The following CCND3 variants were observed in gnomAD, a reference collection of about 807,000 sequenced individuals.
CCND3 encodes G1/S-specific cyclin-D3.
In CCND3, 9 loss-of-function variants were observed where a neutral mutation model predicts 28.7. That is an observed-to-expected ratio of 0.31 (90% confidence interval 0.19 to 0.55). The LOEUF (loss-of-function observed/expected upper bound fraction) is 0.55. CCND3 is among the 20% of genes least tolerant of loss of function. CCND3 has a pLI of 0.93. For missense variants in CCND3, 315 were observed against 385.8 expected, an observed-to-expected ratio of 0.82 and a Z score of 1.54; for synonymous variants, 164 against 163.9, an observed-to-expected ratio of 1.00 and a Z score of 0.00.
intron 1 of CCND3, among the ~76,000 whole-genome samples, chr6:41,987,798 G>A (rs1318187903): frequency 6.6e-6 from 1 of 151,556 alleles, no homozygotes; most frequent in East Asian, 1.9e-4. Flanking sequence ...CAGCATGACA[G>A]GCCACGGAAT....
In CCND3 at chr6:41,939,294, C is replaced by T. The variant is rs1395749236; in HGVS notation, c.414+1076G>A. Among the ~76,000 whole-genome samples the T allele has an allele frequency of 6.6e-6, 1 of 152,270 alleles. No homozygotes were observed. The highest frequency in any genetic ancestry group is 1.9e-4 in the East Asian group (1 of 5,172). On this transcript the variant is annotated intron_variant, in intron 2 of 4. Transcript: ENST00000372991. The surrounding 1 kb of genome is among the most constrained non-coding windows in gnomAD (Gnocchi z 4.2). ...TCACAGCAGCCTGCTTGCTGCCCTCCTCCCTGGGAGATGGGGCCCAGAGAC... is the reference window on the plus strand; with the variant it reads ...TCACAGCAGCCTGCTTGCTGCCCTCTTCCCTGGGAGATGGGGCCCAGAGAC...
intron 1 of CCND3, among the ~76,000 whole-genome samples, chr6:41,948,006 A>T (rs930837434): frequency 4.6e-5 from 7 of 152,006 alleles, no homozygotes; most frequent in Admixed American, 1.3e-4. Flanking sequence ...CCGGGCAGAC[A>T]TGTTCTCTTT....
chr6:42,016,003 A>G (rs1763497469), intron 1 of CCND3, among the ~76,000 whole-genome samples: 4 of 151,772 alleles, frequency 2.6e-5, no homozygotes, highest in Admixed American at 2.6e-4. Flanking sequence ...CAGTGGCGTG[A>G]TATCAGCTCA....
At chr6:41,989,433 G>T (rs540665141) in intron 1 of CCND3, among the ~76,000 whole-genome samples, 4 of 112,464 alleles carry the variant, frequency 3.6e-5, no homozygotes, top group Non-Finnish European at 4.9e-5. Context: ...TAGCCTGGGC[G>T]ACAAGAGTGA....
chr6:42,049,277 T>A (rs1371319003), upstream of CCND3, among the ~76,000 whole-genome samples: 1 of 152,160 alleles, frequency 6.6e-6, no homozygotes, highest in Non-Finnish European at 1.5e-5. Context: ...CCTGAGGTGA[T>A]CCACCCGCCT....
chr6:41,974,164 C>G (rs2127409139), intron 1 of CCND3, among the ~76,000 whole-genome samples: 1 of 152,274 alleles, frequency 6.6e-6, no homozygotes, highest in South Asian at 2.1e-4. Flanking sequence ...GCCTGGGTAA[C>G]AGAGCAAGAC....
At chr6:42,036,399 A>ATC (rs1416726290) in intron 1 of CCND3, among the ~76,000 whole-genome samples, 1 of 43,828 alleles carries the variant, frequency 2.3e-5, no homozygotes, top group Non-Finnish European at 4.0e-5. Flanking sequence ...ATATATATAT[A>ATC]TATATTTTTT....
intron 1 of CCND3, among the ~76,000 whole-genome samples, chr6:41,972,853 C>CA (rs994689983): frequency 9.7e-5 from 14 of 144,190 alleles, no homozygotes; most frequent in Non-Finnish European, 1.8e-4. Context: ...CCCATCTCTA[C>CA]AAAAAATTTA....
At chr6:41,958,288 T>C (rs1310953119) in intron 1 of CCND3, among the ~76,000 whole-genome samples, 2 of 152,170 alleles carry the variant, frequency 1.3e-5, no homozygotes, top group Non-Finnish European at 1.5e-5. Flanking sequence ...TGAGCCACCA[T>C]GCCTGGCCTA....
At chr6:42,046,228 G>C (rs929563688) in intron 1 of CCND3, among the ~76,000 whole-genome samples, 1 of 152,196 alleles carries the variant, frequency 6.6e-6, no homozygotes, top group African/African-American at 2.4e-5. Context: ...AAAGGAGGTG[G>C]AAAAGGGGCT....
At chr6:42,045,883 C>G (rs1221356606) in intron 1 of CCND3, among the ~76,000 whole-genome samples, 1 of 152,204 alleles carries the variant, frequency 6.6e-6, no homozygotes, top group Non-Finnish European at 1.5e-5. Context: ...CACAGCCAAG[C>G]CAGTGCCTGG....
intron 1 of CCND3, among the ~76,000 whole-genome samples, chr6:41,957,901 T>C (rs1462002858): frequency 2.0e-5 from 3 of 152,112 alleles, no homozygotes; most frequent in Non-Finnish European, 4.4e-5. Context: ...TCCAAGCTGG[T>C]CTCGAACTCC....
chr6:41,993,040 A>G (rs942364525), intron 1 of CCND3, among the ~76,000 whole-genome samples: 2 of 152,032 alleles, frequency 1.3e-5, no homozygotes, highest in East Asian at 3.9e-4. Flanking sequence ...CCTAAGTAAC[A>G]AGACTATAGG....
intron 1 of CCND3, among the ~76,000 whole-genome samples, chr6:42,015,306 A>G (rs1213069806): frequency 1.3e-5 from 2 of 152,198 alleles, no homozygotes; most frequent in African/African-American, 4.8e-5. Flanking sequence ...GGGCTGTAAC[A>G]GGAGGCAGGG....
chr6:41,964,968 T>C (rs999976566), intron 1 of CCND3, among the ~76,000 whole-genome samples: 29 of 151,766 alleles, frequency 1.9e-4, no homozygotes, highest in African/African-American at 7.0e-4. Context: ...TTTCTGGTTC[T>C]GGCAATTTCA....
At chr6:42,038,587 T>C (rs1321941752) in intron 1 of CCND3, among the ~76,000 whole-genome samples, 1 of 150,488 alleles carries the variant, frequency 6.6e-6, no homozygotes, top group Non-Finnish European at 1.5e-5. Flanking sequence ...AAAATAATCA[T>C]TGTTCTACAA....
intron 1 of CCND3, among the ~76,000 whole-genome samples, chr6:41,952,469 G>A (rs563807532): frequency 6.6e-6 from 1 of 152,352 alleles, no homozygotes; most frequent in South Asian, 2.1e-4. Flanking sequence ...GAGGCGTGAG[G>A]GAGCAGGGAG....
At chr6:41,982,995 AAGAT>A (rs1464181568) in intron 1 of CCND3, among the ~76,000 whole-genome samples, 9 of 152,156 alleles carry the variant, frequency 5.9e-5, no homozygotes, top group Admixed American at 5.9e-4. Context: ...AAACTCCTAA[AAGAT>A]AGCACAGATA....
chr6:41,997,958 T>C (rs1762858610), intron 1 of CCND3, among the ~76,000 whole-genome samples: 1 of 142,448 alleles, frequency 7.0e-6, no homozygotes, highest in Non-Finnish European at 1.5e-5. Flanking sequence ...CTGGCCAACA[T>C]GGCAAAACCC....
Sources: gnomAD v4.1 joint callset for allele counts (sites outside exome capture counted in the v4.1 genomes callset) on GRCh38, gnomAD v4.1.1 for gene constraint, Gnocchi (gnomAD v3.1) non-coding constraint, MANE v1.5 for transcripts, NCBI Gene and HGNC (gene_info 2026-07-23, HGNC 2026-07-21) for gene names.